LYRM4: variants seen among roughly 807,000 people sequenced by gnomAD.
The protein encoded by LYRM4 is LYR motif-containing protein 4.
In LYRM4, 9 loss-of-function variants were observed where a neutral mutation model predicts 11.7. The ratio of observed to expected loss-of-function variants is 0.77; its 90% confidence interval spans 0.46 to 1.34. The LOEUF (loss-of-function observed/expected upper bound fraction) is 1.34. LYRM4 is among the 40% of genes most tolerant of loss of function. The pLI, the probability that LYRM4 is intolerant of heterozygous loss-of-function variation, is 0.00. For missense variants in LYRM4, 133 were observed against 112.5 expected (o/e 1.18, Z -0.82); for synonymous variants, 42 against 40.4 (o/e 1.04, Z -0.15).
At chr6:5,114,645 G>T (rs1182354651) in intron 2 of LYRM4, among the ~76,000 whole-genome samples, 1 of 151,852 alleles carries the variant, frequency 6.6e-6, no homozygotes, top group Non-Finnish European at 1.5e-5. Flanking sequence ...TAAATCAGGG[G>T]TGTCCAATCT....
chr6:5,112,220 C>A (rs1762914873), intron 2 of LYRM4, among the ~76,000 whole-genome samples: 1 of 152,092 alleles, frequency 6.6e-6, no homozygotes. Flanking sequence ...TGTGTGGTCC[C>A]TATGAGGTCA....
intron 2 of LYRM4, among the ~76,000 whole-genome samples, chr6:5,147,303 C>T (rs1334435063): frequency 1.3e-5 from 2 of 152,104 alleles, no homozygotes; most frequent in East Asian, 1.9e-4. Flanking sequence ...TTAATGACTC[C>T]AGGAAGTAAA....
At position 5,194,227 on chromosome 6, in the gene LYRM4, G is replaced by T. The variant is rs1223323899; in HGVS notation, c.207+22391C>A. Reference sequence around the variant, plus strand: ...GATACGTTACCTCTTCTTATAAACTGAAAGCTCCTGAAGGTTTGGCCAACT... The same window carrying T: ...GATACGTTACCTCTTCTTATAAACTTAAAGCTCCTGAAGGTTTGGCCAACT... On this transcript the variant is annotated intron_variant, in intron 2 of 2. Transcript: ENST00000330636. Among the ~76,000 whole-genome samples, 17 of 152,272 alleles carry T rather than the reference G, an allele frequency of 1.1e-4. No individual in the cohort carries two copies. The East Asian group carries it at 2.9e-3, about 26-fold the overall frequency.
At chr6:5,237,653 G>C (rs1319137182) in intron 1 of LYRM4, among the ~76,000 whole-genome samples, 2 of 152,054 alleles carry the variant, frequency 1.3e-5, no homozygotes, top group Non-Finnish European at 2.9e-5. Context: ...GGGGTGAACT[G>C]AGCACTACTT....
chr6:5,141,192 G>T (rs1386644375), intron 2 of LYRM4, among the ~76,000 whole-genome samples: 2 of 152,222 alleles, frequency 1.3e-5, no homozygotes, highest in African/African-American at 2.4e-5. Flanking sequence ...TGGGAGAGAT[G>T]GGGGTGGTAT....
intron 2 of LYRM4, 75 bp downstream of exon 2, chr6:5,216,543 G>A (rs374379100): frequency 6.4e-6 from 10 of 1,560,348 alleles, no homozygotes; most frequent in African/African-American, 2.7e-5. Flanking sequence ...CCAAAAGCAC[G>A]GCTGTCTAAT....
chr6:5,192,768 G>A lies in LYRM4; in HGVS notation c.207+23850C>T, dbSNP rs551114438. 3.5e-3 allele frequency among the ~76,000 whole-genome samples: 532 copies of A among 152,354 alleles called. 2 individuals carry two copies. The highest frequency in any genetic ancestry group is 5.7e-3 in the Non-Finnish European group (385 of 68,042). On this transcript the variant is annotated intron_variant, in intron 2 of 2. Coordinates refer to ENST00000330636, the MANE Select transcript of LYRM4 (RefSeq NM_020408.6). ...GGGCCTGGCGCGGTGGCCCGCGCCTGTAATCCCAGGACTTTGGGAGGCCGA... is the reference window on the plus strand; with the variant it reads ...GGGCCTGGCGCGGTGGCCCGCGCCTATAATCCCAGGACTTTGGGAGGCCGA...
intron 2 of LYRM4, among the ~76,000 whole-genome samples, chr6:5,152,995 C>G (rs1478514569): frequency 5.9e-5 from 9 of 152,226 alleles, no homozygotes; most frequent in African/African-American, 2.2e-4. Flanking sequence ...TTGCAGGTTC[C>G]TTAAATGAAG....
intron 2 of LYRM4, among the ~76,000 whole-genome samples, chr6:5,214,717 C>T (rs561559312): frequency 1.2e-4 from 19 of 152,286 alleles, no homozygotes; most frequent in Admixed American, 7.2e-4. Flanking sequence ...GCCAGATGGC[C>T]GGGGGAGCCA....
intron 2 of LYRM4, among the ~76,000 whole-genome samples, chr6:5,140,908 G>A (rs1757373216): frequency 6.6e-6 from 1 of 152,116 alleles, no homozygotes; most frequent in South Asian, 2.1e-4. Flanking sequence ...CAACCAAATG[G>A]ATTTAAAAGC....
chr6:5,044,150 C>T, the LYRM4 span, among the ~76,000 whole-genome samples: 1 of 151,644 alleles, frequency 6.6e-6, no homozygotes, highest in Admixed American at 6.6e-5. Context: ...GTTTGTGAGA[C>T]GGAGTTTCAC....
chr6:5,203,659 T>C (rs1024213588), intron 2 of LYRM4, among the ~76,000 whole-genome samples: 1 of 152,208 alleles, frequency 6.6e-6, no homozygotes, highest in Admixed American at 6.5e-5. Flanking sequence ...AAACTGTCAC[T>C]TGGAATTTAG....
intron 2 of LYRM4, among the ~76,000 whole-genome samples, chr6:5,140,268 C>T (rs149894425): frequency 9.1e-4 from 139 of 152,074 alleles, no homozygotes; most frequent in Admixed American, 1.8e-3. Flanking sequence ...TGTGCTGGAA[C>T]CTCTGTGAGC....
chr6:5,109,578 A>T, intron 2 of LYRM4, 87 bp from the exon 3 acceptor site: 1 of 1,391,646 alleles, frequency 7.2e-7, no homozygotes, highest in East Asian at 2.3e-5. Context: ...AACATTTCTA[A>T]TACAAACGTC....
chr6:5,254,409 T>C (rs936039557), intron 1 of LYRM4, among the ~76,000 whole-genome samples: 1 of 152,230 alleles, frequency 6.6e-6, no homozygotes, highest in African/African-American at 2.4e-5. Context: ...AATAAACTTA[T>C]TTCTTGTTGG....
At chr6:5,111,735 G>C (rs1302553034) in intron 2 of LYRM4, among the ~76,000 whole-genome samples, 1 of 152,232 alleles carries the variant, frequency 6.6e-6, no homozygotes, top group Non-Finnish European at 1.5e-5. Flanking sequence ...TGGCACCCTG[G>C]AAAGGCCCTG....
rs542524030 is a variant in LYRM4 at position 5,260,561 on chromosome 6, G to A, written c.86+87C>T. On this transcript the variant is annotated intron_variant, in intron 1 of 2. Coordinates refer to ENST00000330636, the MANE Select transcript of LYRM4 (RefSeq NM_020408.6). ...CGCCGGCAAACCACGGTGGCTCCCA[G>A]TCCCCGGGGATATTCCGCGTCAGCC... The A allele has an allele frequency of 4.0e-6, 6 of 1,503,400 alleles. No homozygotes were observed. In the East Asian group the frequency reaches 1.2e-4, roughly 31 times the overall value. The allele number at this position is 1,503,400 out of a possible 1,614,324, so 93.1% of individuals were successfully genotyped here. A position where few individuals can be genotyped will look rare whatever the true frequency, so the allele number is the denominator to read the frequency against.
At chr6:5,194,614 T>C (rs1242101534) in intron 2 of LYRM4, among the ~76,000 whole-genome samples, 1 of 152,256 alleles carries the variant, frequency 6.6e-6, no homozygotes, top group African/African-American at 2.4e-5. Context: ...ATTTCATGAT[T>C]CTTTTTTAAG....
At position 5,189,198 on chromosome 6, in the gene LYRM4, G is replaced by A. The variant is rs1394779174; in HGVS notation, c.207+27420C>T. Among the ~76,000 whole-genome samples, 4 of 152,140 alleles carry A rather than the reference G, an allele frequency of 2.6e-5. No individual in the cohort carries two copies. The East Asian group carries it at 5.8e-4, about 22-fold the overall frequency. On this transcript the variant is annotated intron_variant, in intron 2 of 2. Coordinates refer to ENST00000330636, the MANE Select transcript of LYRM4 (RefSeq NM_020408.6). ...TTTTAGATTATAAAACACTATTATC[G>A]TATCTCAATTTCACAACAGCCCCAG...
Sources: gnomAD v4.1 joint callset for allele counts (sites outside exome capture counted in the v4.1 genomes callset) on GRCh38, gnomAD v4.1.1 for gene constraint, MANE v1.5 for transcripts, NCBI Gene and HGNC (gene_info 2026-07-23, HGNC 2026-07-21) for gene names.